The following RPS6KC1 variants were observed in gnomAD, a reference collection of about 807,000 sequenced individuals.
RPS6KC1 encodes inactive ribosomal protein S6 kinase delta-1.
A neutral mutation model predicts 103.8 loss-of-function variants in RPS6KC1; 54 were observed. The observed-to-expected ratio is 0.52, with a 90% CI of 0.42 to 0.65. The LOEUF is 0.65. Ranked by LOEUF, RPS6KC1 falls within the 30% of genes least tolerant of loss-of-function variation. RPS6KC1 has a pLI of 0.00. For missense variants in RPS6KC1, 1,151 were observed against 1,253.8 expected (o/e 0.92, Z 1.24); for synonymous variants, 439 against 438.7 (o/e 1.00, Z -0.01).
At chr1:213,507,054 T>C in the RPS6KC1 span, among the ~76,000 whole-genome samples, 1 of 152,210 alleles carries the variant, frequency 6.6e-6, no homozygotes, top group Non-Finnish European at 1.5e-5. Context: ...TGAATGATTC[T>C]GTAAGATGTA....
At chr1:213,280,011 C>T in the RPS6KC1 span, among the ~76,000 whole-genome samples, 45 of 152,284 alleles carry the variant, frequency 3.0e-4, no homozygotes, top group African/African-American at 1.1e-3. Context: ...AGGTTATCGC[C>T]TCTGCCTTGC....
chr1:213,833,364 C>A, the RPS6KC1 span, among the ~76,000 whole-genome samples: 8 of 152,264 alleles, frequency 5.3e-5, no homozygotes, highest in African/African-American at 1.9e-4. Context: ...CAGTATTATA[C>A]CCTCATTCTC....
the RPS6KC1 span, among the ~76,000 whole-genome samples, chr1:213,309,935 T>TC: frequency 2.0e-5 from 3 of 152,304 alleles, no homozygotes; most frequent in African/African-American, 7.2e-5. Flanking sequence ...TCCACCTGCC[T>TC]TAACCTCCCA....
chr1:213,418,918 C>T, the RPS6KC1 span, among the ~76,000 whole-genome samples: 129 of 152,362 alleles, frequency 8.5e-4, no homozygotes, highest in Middle Eastern at 3.4e-3. Context: ...CCCGGCTCAC[C>T]GGGGTCTCCT....
intron 8 of RPS6KC1, among the ~76,000 whole-genome samples, chr1:213,194,022 C>A (rs546926545): frequency 6.6e-6 from 1 of 152,270 alleles, no homozygotes; most frequent in Non-Finnish European, 1.5e-5. Flanking sequence ...TATATATTTA[C>A]AATTATTACA....
Position 213,261,631 on chromosome 1 carries a change from C to G in RPS6KC1, c.2985C>G (p.Leu995=). ...TGGGTGCTGTCCTCTTTGAACTTCT[C>G]ACTGGCAAGGTAAGCAGTGGCCTGG... The part of the protein sequence containing the change: ...WSLGAVLFEL[L]TGKTLVECHP... Residue 995 remains leucine (L), a synonymous_variant, in exon 13 of 15, where the codon CTC becomes CTG. Coordinates refer to ENST00000366960, the MANE Select transcript of RPS6KC1 (RefSeq NM_012424.6). 1.2e-6 allele frequency: 2 copies of G among 1,613,654 alleles called. No homozygotes were observed. Among genetic ancestry groups the G allele is most frequent in the Non-Finnish European group, 1.7e-6 (2 of 1,179,612 alleles).
At chr1:213,207,816 G>GGT (rs1383034394) in intron 8 of RPS6KC1, among the ~76,000 whole-genome samples, 1 of 152,026 alleles carries the variant, frequency 6.6e-6, no homozygotes, top group Non-Finnish European at 1.5e-5. Context: ...TGGGATTACA[G>GGT]GTGTCCACCT....
the RPS6KC1 span, among the ~76,000 whole-genome samples, chr1:213,546,599 G>A: frequency 1.3e-5 from 2 of 152,168 alleles, no homozygotes; most frequent in Non-Finnish European, 2.9e-5. Flanking sequence ...TTAAGTGTAT[G>A]AATTTAGAAT....
At chr1:213,282,611 A>G in the RPS6KC1 span, among the ~76,000 whole-genome samples, 3 of 152,382 alleles carry the variant, frequency 2.0e-5, no homozygotes, top group South Asian at 6.2e-4. Flanking sequence ...CATTTCTTCT[A>G]TGCGAAGGGT....
chr1:213,655,204 A>T, the RPS6KC1 span, among the ~76,000 whole-genome samples: 1 of 152,058 alleles, frequency 6.6e-6, no homozygotes, highest in Non-Finnish European at 1.5e-5. Context: ...CACTTTGCTC[A>T]GTTAATTTTT....
At chr1:213,643,453 A>C in the RPS6KC1 span, among the ~76,000 whole-genome samples, 20 of 151,850 alleles carry the variant, frequency 1.3e-4, no homozygotes, top group African/African-American at 4.8e-4. Flanking sequence ...TATTGTAAAT[A>C]TATGGGAATG....
chr1:213,074,840 TA>T (rs2079163836), intron 2 of RPS6KC1, among the ~76,000 whole-genome samples: 1 of 125,548 alleles, frequency 8.0e-6, no homozygotes, highest in South Asian at 2.6e-4. Context: ...TTAACTAGAA[TA>T]AATTTTTTTT....
At chr1:213,392,225 C>G in the RPS6KC1 span, among the ~76,000 whole-genome samples, 1 of 152,100 alleles carries the variant, frequency 6.6e-6, no homozygotes, top group Non-Finnish European at 1.5e-5. Flanking sequence ...TGGTCTGCTT[C>G]TGGTGCTGTT....
chr1:213,810,033 T>C, the RPS6KC1 span, among the ~76,000 whole-genome samples: 1 of 152,328 alleles, frequency 6.6e-6, no homozygotes, highest in African/African-American at 2.4e-5. Flanking sequence ...CACCTCTCTC[T>C]ATCCACCATG....
At chr1:213,619,924 A>G in the RPS6KC1 span, among the ~76,000 whole-genome samples, 2 of 152,228 alleles carry the variant, frequency 1.3e-5, no homozygotes, top group Non-Finnish European at 2.9e-5. Context: ...TTAATATAGT[A>G]CTTGGAGTTA....
the RPS6KC1 span, among the ~76,000 whole-genome samples, chr1:213,636,168 A>G: frequency 6.6e-6 from 1 of 152,226 alleles, no homozygotes; most frequent in Admixed American, 6.5e-5. Flanking sequence ...AGGAAGAATC[A>G]ATATTGTGAA....
At chr1:213,532,231 G>A in the RPS6KC1 span, among the ~76,000 whole-genome samples, 14 of 152,250 alleles carry the variant, frequency 9.2e-5, no homozygotes, top group Admixed American at 3.3e-4. Flanking sequence ...GGTGGGGAGC[G>A]GCCAAGGCAG....
chr1:213,172,374 A>G (rs2148241219), intron 7 of RPS6KC1, among the ~76,000 whole-genome samples: 1 of 152,310 alleles, frequency 6.6e-6, no homozygotes, highest in East Asian at 1.9e-4. Flanking sequence ...CAGGTGGATC[A>G]CTTGAGGCCA....
the RPS6KC1 span, among the ~76,000 whole-genome samples, chr1:213,326,115 G>A: frequency 6.6e-6 from 1 of 152,088 alleles, no homozygotes; most frequent in South Asian, 2.1e-4. Flanking sequence ...GGAGGCAGAG[G>A]GGGAAGAGAG....
Sources: gnomAD v4.1 joint callset for allele counts (sites outside exome capture counted in the v4.1 genomes callset) on GRCh38, gnomAD v4.1.1 for gene constraint, MANE v1.5 for transcripts, NCBI Gene and HGNC (gene_info 2026-07-23, HGNC 2026-07-21) for gene names.